The following DHX57 variants were observed in gnomAD, a reference collection of about 807,000 sequenced individuals.
The protein encoded by DHX57 is putative ATP-dependent RNA helicase DHX57.
Under a neutral mutation model 156.2 loss-of-function variants are expected in DHX57, and 105 were observed. The observed-to-expected ratio is 0.67, with a 90% confidence interval of 0.57 to 0.79. DHX57 has a LOEUF of 0.79. DHX57 is among the 30% of genes least tolerant of loss of function. The pLI is 0.00. For missense variants in DHX57, 1,847 were observed against 1,661.9 expected (o/e 1.11, Z -1.94); for synonymous variants, 704 against 595.6 (o/e 1.18, Z -2.65).
At position 38,834,199 on chromosome 2, in the gene DHX57, C is replaced by T. The variant is rs558556541; in HGVS notation, c.2542+3632G>A. On this transcript the variant is annotated intron_variant, in intron 13 of 23. Transcript: ENST00000457308. The stretch of plus-strand genomic sequence containing the variant: ...ATACAAAATTAGCCGGGTGTGGTGG[C>T]GCATGCCTGTAATCCCAGCTACTTG... 2.1e-4 allele frequency among the ~76,000 whole-genome samples: 32 copies of T among 151,874 alleles called. No individual in the cohort carries two copies. The South Asian group carries it at 4.8e-3, about 23-fold the overall frequency.
At chr2:38,865,155 C>G (rs1309398759) in intron 2 of DHX57, among the ~76,000 whole-genome samples, 2 of 152,120 alleles carry the variant, frequency 1.3e-5, no homozygotes, top group Non-Finnish European at 2.9e-5. Context: ...TTTATTGACA[C>G]ATAATAATTG....
At position 38,856,346 on chromosome 2, in the gene DHX57, A is replaced by G; in HGVS notation, c.1703T>C (p.Met568Thr). The change falls in exon 7 of 24, where the codon ATG becomes ACG. Residue 568 changes from methionine (M) to threonine (T), a missense_variant. Met to Thr is a moderately conservative substitution (Grantham distance 81). Coordinates refer to ENST00000457308, the MANE Select transcript of DHX57 (RefSeq NM_198963.3). ...RKHQVVVISG[M>T]TGCGKTTQIP... ...GAATAAACTGCATTCTTACCCAGTC[A>G]TACCACTTATGACAACCACCTGGTG... The G allele has an allele frequency of 6.2e-7, 1 of 1,610,372 alleles. No homozygotes were observed. The highest frequency in any genetic ancestry group is 8.5e-7 in the Non-Finnish European group (1 of 1,179,132).
chr2:38,804,081 A>G (rs1669825984), intron 22 of DHX57, among the ~76,000 whole-genome samples: 1 of 152,190 alleles, frequency 6.6e-6, no homozygotes, highest in Non-Finnish European at 1.5e-5. Context: ...CCAATTTAGT[A>G]CAAACCATTG....
intron 21 of DHX57, chr2:38,811,450 C>T (rs931656945): frequency 6.4e-6 from 4 of 623,622 alleles, no homozygotes; most frequent in East Asian, 3.3e-5. Context: ...AACTCCTCCA[C>T]GAACTCCTTG....
At chr2:38,854,723 G>A (rs926260678) in intron 8 of DHX57, 12 of 213,664 alleles carry the variant, frequency 5.6e-5, no homozygotes, top group Admixed American at 4.3e-4. Context: ...CACCACACTT[G>A]GCTAATTTTT....
chr2:38,820,543 G>A (rs1274165678), intron 17 of DHX57, among the ~76,000 whole-genome samples: 1 of 152,092 alleles, frequency 6.6e-6, no homozygotes. Flanking sequence ...GGTTGATACT[G>A]TGTACCCCCA....
At chr2:38,817,645 T>C (rs1454504384) in intron 19 of DHX57, among the ~76,000 whole-genome samples, 1 of 151,850 alleles carries the variant, frequency 6.6e-6, no homozygotes, top group Non-Finnish European at 1.5e-5. Flanking sequence ...CCTAAAACAC[T>C]GTTGCAACAG....
chr2:38,825,738 G>A lies in DHX57; in HGVS notation c.3014+109C>T, dbSNP rs1255601726. The A allele has an allele frequency of 5.6e-6, 6 of 1,074,666 alleles. No individual in the cohort carries two copies. The East Asian group carries it at 1.5e-4, about 27-fold the overall frequency. The allele number at this position is 1,074,666 out of a possible 1,614,324, so 66.6% of individuals were successfully genotyped here. A position where few individuals can be genotyped will look rare whatever the true frequency, so the allele number is the denominator to read the frequency against. The stretch of plus-strand genomic sequence containing the variant: ...TTCACAAATAAATGAGATTATTGGT[G>A]GTCATTCTTAGCCAAATATCTTCTA... On this transcript the variant is annotated intron_variant, in intron 16 of 23. Coordinates refer to ENST00000457308, the MANE Select transcript of DHX57 (RefSeq NM_198963.3).
At chr2:38,868,807 TTTA>T (rs1417333749) in intron 1 of DHX57, among the ~76,000 whole-genome samples, 1 of 30,836 alleles carries the variant, frequency 3.2e-5, no homozygotes, top group Non-Finnish European at 1.0e-4. Flanking sequence ...TAGAGTTTTA[TTTA>T]TTTATTTATT....
intron 12 of DHX57, among the ~76,000 whole-genome samples, chr2:38,841,436 C>T (rs959548151): frequency 6.6e-6 from 1 of 152,194 alleles, no homozygotes; most frequent in African/African-American, 2.4e-5. Context: ...AGCTTTACAT[C>T]TCTCAATATT....
rs540559307 is a variant in DHX57 at position 38,819,245 on chromosome 2, G to A, written c.3292-101C>T. 40 of 1,033,640 alleles carry A rather than the reference G, an allele frequency of 3.9e-5. No homozygotes were observed. The East Asian group carries it at 8.3e-4, about 22-fold the overall frequency. The allele number at this position is 1,033,640 out of a possible 1,614,324, so 64.0% of individuals were successfully genotyped here. On this transcript the variant is annotated intron_variant, in intron 17 of 23. Coordinates refer to ENST00000457308, the MANE Select transcript of DHX57 (RefSeq NM_198963.3). ...GCTGGAGTGCAGTGGTGCGATCATA[G>A]CCCACTGCAACCTTTATCTCCCAGG...
At chr2:38,809,312 A>C (rs1000526401) in intron 21 of DHX57, among the ~76,000 whole-genome samples, 2 of 151,466 alleles carry the variant, frequency 1.3e-5, no homozygotes, top group South Asian at 2.1e-4. Flanking sequence ...TTTTGTAGAG[A>C]CAAGTTCTCA....
chr2:38,837,897 C>T lies in DHX57; in HGVS notation c.2476G>A (p.Val826Met), dbSNP rs140051981. ...AAGGCCTCTATTAATTCAAGATTCACCTTTTCAAAATCCATGATGGACATT... is the reference window on the plus strand; with the variant it reads ...AAGGCCTCTATTAATTCAAGATTCATCTTTTCAAAATCCATGATGGACATT... ...KTMSIMDFEK[V>M]NLELIEALLE... Residue 826 changes from valine to methionine, a missense_variant, in exon 13 of 24, where the codon GTG becomes ATG. Coordinates refer to ENST00000457308, the MANE Select transcript of DHX57 (RefSeq NM_198963.3). 1.3e-5 allele frequency: 21 copies of T among 1,613,894 alleles called. No individual in the cohort carries two copies. Among genetic ancestry groups the T allele is most frequent in the Non-Finnish European group, 1.8e-5 (21 of 1,179,862 alleles).
intron 11 of DHX57, 105 bp downstream of exon 11, chr2:38,846,914 G>T: frequency 1.2e-6 from 1 of 837,666 alleles, no homozygotes; most frequent in Non-Finnish European, 1.9e-6. Context: ...GTCTTGAACT[G>T]GCCCCAAAAG....
At chr2:38,850,836 A>C (rs985816453) in intron 9 of DHX57, among the ~76,000 whole-genome samples, 2 of 152,116 alleles carry the variant, frequency 1.3e-5, no homozygotes, top group Non-Finnish European at 2.9e-5. Flanking sequence ...GCACTTTGGG[A>C]GGCCAAGGCG....
intron 1 of DHX57, among the ~76,000 whole-genome samples, chr2:38,871,842 G>A (rs1665369120): frequency 6.6e-6 from 1 of 152,000 alleles, no homozygotes. Flanking sequence ...GAGTAGCCGG[G>A]ACTACAGGTG....
chr2:38,807,935 T>C (rs1572620162), intron 21 of DHX57, among the ~76,000 whole-genome samples: 1 of 144,618 alleles, frequency 6.9e-6, no homozygotes, highest in African/African-American at 2.5e-5. Flanking sequence ...CGTGAGCCAC[T>C]GTGTCTTGCC....
At chr2:38,840,677 C>T (rs1671947587) in intron 12 of DHX57, among the ~76,000 whole-genome samples, 2 of 152,166 alleles carry the variant, frequency 1.3e-5, no homozygotes, top group Non-Finnish European at 2.9e-5. Flanking sequence ...TTCCTGACCT[C>T]AACTCCTCCA....
At chr2:38,831,751 G>T (rs1272860841) in intron 13 of DHX57, among the ~76,000 whole-genome samples, 2 of 151,760 alleles carry the variant, frequency 1.3e-5, no homozygotes, top group Non-Finnish European at 2.9e-5. Context: ...CAGCTACTCG[G>T]GAGGCTGAGG....
Sources: allele counts gnomAD v4.1 joint callset (sites outside exome capture counted in the v4.1 genomes callset), GRCh38; gene constraint gnomAD v4.1.1; transcripts MANE v1.5; gene names NCBI Gene and HGNC (gene_info 2026-07-23, HGNC 2026-07-21).